Variants in UBE2G1 observed in about 807,000 individuals in gnomAD.
UBE2G1 encodes ubiquitin conjugating enzyme E2 G1, also known as ubiquitin-conjugating enzyme E2 G1.
Under a neutral mutation model 22.7 loss-of-function variants are expected in UBE2G1, and 5 were observed. The observed-to-expected ratio is 0.22, with a 90% confidence interval of 0.12 to 0.46. The LOEUF (loss-of-function observed/expected upper bound fraction) is 0.46. UBE2G1 is among the 20% of genes least tolerant of loss of function. UBE2G1 has a pLI of 0.99. For missense variants in UBE2G1, 88 were observed against 203.9 expected, an observed-to-expected ratio of 0.43 and a Z score of 3.46; for synonymous variants, 74 against 67.5, an observed-to-expected ratio of 1.10 and a Z score of -0.47.
chr17:4,328,072 G>A (rs902225854), intron 1 of UBE2G1, among the ~76,000 whole-genome samples: 1 of 152,166 alleles, frequency 6.6e-6, no homozygotes, highest in Admixed American at 6.5e-5. Flanking sequence ...TAAAGAAAGA[G>A]AGCAGAAATA....
intron 2 of UBE2G1, among the ~76,000 whole-genome samples, chr17:4,297,291 T>G (rs1009693728): frequency 2.0e-5 from 3 of 152,204 alleles, no homozygotes; most frequent in African/African-American, 7.2e-5. Context: ...ATCTATCCAT[T>G]TATTCATTTC....
In UBE2G1 at chr17:4,366,655, CGGCGCAGGCG is replaced by C. The variant is rs1970041414; in HGVS notation, c.-349_-340del. 4.4e-6 allele frequency: 1 copy of C among 227,992 alleles called. No homozygotes were observed. Among genetic ancestry groups the C allele is most frequent in the East Asian group, 8.5e-5 (1 of 11,718 alleles). 14.1% of individuals were successfully genotyped at this position (227,992 alleles called of 1,614,324 possible). A position where few individuals can be genotyped will look rare whatever the true frequency, so the allele number is the denominator to read the frequency against. Reference sequence around the variant, plus strand: ...CTGCCTCACTGCGCGCAGGGCCGCTCGGCGCAGGCGCGCTGAGACTGCCGACTTGGGAAGC... The same window carrying C: ...CTGCCTCACTGCGCGCAGGGCCGCTCCGCTGAGACTGCCGACTTGGGAAGC... On this transcript the variant is annotated 5_prime_UTR_variant, in exon 1 of 6. Transcript: ENST00000396981.
At chr17:4,282,733 C>T in intron 5 of UBE2G1, 65 bp downstream of exon 5, 1 of 1,078,802 alleles carries the variant, frequency 9.3e-7, no homozygotes, top group Non-Finnish European at 1.3e-6. Flanking sequence ...CCAAATCACA[C>T]AATTTCCAAA....
chr17:4,289,560 T>C, intron 3 of UBE2G1, 152 bp from the exon 4 acceptor site: 2 of 827,424 alleles, frequency 2.4e-6, no homozygotes, highest in Non-Finnish European at 3.5e-6. Context: ...GTGTTGACTT[T>C]TTAAGAAGAC....
At chr17:4,329,165 G>A (rs1018586537) in intron 1 of UBE2G1, among the ~76,000 whole-genome samples, 4 of 147,744 alleles carry the variant, frequency 2.7e-5, no homozygotes, top group Non-Finnish European at 5.9e-5. Flanking sequence ...TTGGAAGGCC[G>A]AGGCAGGCGG....
chr17:4,303,809 G>A (rs913929755), intron 2 of UBE2G1, among the ~76,000 whole-genome samples: 1 of 152,056 alleles, frequency 6.6e-6, no homozygotes, highest in Non-Finnish European at 1.5e-5. Flanking sequence ...TCTACCCAAG[G>A]CAATACTACA....
chr17:4,290,854 G>A (rs1969027787), intron 3 of UBE2G1, among the ~76,000 whole-genome samples: 1 of 149,162 alleles, frequency 6.7e-6, no homozygotes, highest in Admixed American at 6.8e-5. Context: ...GGGATTACAG[G>A]AAACAGCCCC....
At chr17:4,355,113 G>A (rs1386694330) in intron 1 of UBE2G1, among the ~76,000 whole-genome samples, 1 of 151,916 alleles carries the variant, frequency 6.6e-6, no homozygotes. Context: ...AAGATTTGAT[G>A]TGATTTGCCT....
chr17:4,302,379 T>A, intron 2 of UBE2G1: 1 of 489,446 alleles, frequency 2.0e-6, no homozygotes, highest in South Asian at 1.6e-5. Flanking sequence ...GGTTGCTGTG[T>A]CTTCTGGGAA....
chr17:4,335,451 A>G lies in UBE2G1; in HGVS notation c.47-28328T>C, dbSNP rs557334993. 3 of 152,284 alleles carry G rather than the reference A, an allele frequency of 2.0e-5. No individual in the cohort carries two copies. In the South Asian group the frequency reaches 6.2e-4, roughly 32 times the overall value. The allele number at this position is 152,284 out of a possible 1,614,324, so 9.4% of individuals were successfully genotyped here. On this transcript the variant is annotated intron_variant, in intron 1 of 5. Coordinates refer to ENST00000396981, the MANE Select transcript of UBE2G1 (RefSeq NM_003342.5). Reference sequence around the variant, plus strand: ...GGGAAACGTAACCCAAAAATTCTGTAACCAGCCAAAACATCACGTTGCTTG... The same window carrying G: ...GGGAAACGTAACCCAAAAATTCTGTGACCAGCCAAAACATCACGTTGCTTG...
At chr17:4,287,261 C>T (rs1375001082) in intron 4 of UBE2G1, among the ~76,000 whole-genome samples, 4 of 151,944 alleles carry the variant, frequency 2.6e-5, no homozygotes, top group Admixed American at 6.6e-5. Flanking sequence ...CCTGCCACCA[C>T]GCCTGGCTAA....
In UBE2G1 at chr17:4,294,415, CAA is replaced by C. The variant is rs68047533; in HGVS notation, c.247+2300_247+2301del. Among the ~76,000 whole-genome samples the C allele has an allele frequency of 4.5e-3, 525 of 116,946 alleles. 3 individuals are homozygous for C. The highest frequency in any genetic ancestry group is 0.022 in the African/African-American group (503 of 22,390). 76.7% of individuals were successfully genotyped at this position (116,946 alleles called of 152,430 possible). On this transcript the variant is annotated intron_variant, in intron 3 of 5. Transcript: ENST00000396981. The stretch of plus-strand genomic sequence containing the variant: ...TGGGCGAGACAGTGAGACTCCGTCT[CAA>C]AAAAAAAAAAAAAAAAAAAAAAAGA...
chr17:4,348,226 C>A (rs1476339739), intron 1 of UBE2G1, among the ~76,000 whole-genome samples: 1 of 152,010 alleles, frequency 6.6e-6, no homozygotes, highest in Non-Finnish European at 1.5e-5. Flanking sequence ...CCACTGCACT[C>A]CAGTCTAGGT....
At chr17:4,295,820 G>T (rs749682403) in intron 3 of UBE2G1, among the ~76,000 whole-genome samples, 5 of 149,952 alleles carry the variant, frequency 3.3e-5, no homozygotes, top group Non-Finnish European at 4.4e-5. Context: ...TTATATACAG[G>T]GGAGAGAGTC....
intron 1 of UBE2G1, among the ~76,000 whole-genome samples, chr17:4,346,431 CTTTT>C (rs67852481): frequency 0.035 from 4,265 of 120,468 alleles, 162 homozygotes; most frequent in African/African-American, 0.13. Context: ...TTTTCTTCTT[CTTTT>C]TTTTTTTTTT....
intron 1 of UBE2G1, among the ~76,000 whole-genome samples, chr17:4,357,673 T>A (rs1330447770): frequency 2.0e-5 from 3 of 152,056 alleles, no homozygotes; most frequent in Non-Finnish European, 1.5e-5. Context: ...CTATTCTCCA[T>A]CACTGTAATT....
intron 1 of UBE2G1, among the ~76,000 whole-genome samples, chr17:4,343,164 C>CA (rs765423609): frequency 4.6e-5 from 7 of 152,170 alleles, no homozygotes; most frequent in Non-Finnish European, 8.8e-5. Context: ...CAAAAGTAGG[C>CA]ACTCAAATAT....
At chr17:4,300,566 T>A (rs915816344) in intron 2 of UBE2G1, among the ~76,000 whole-genome samples, 2 of 151,920 alleles carry the variant, frequency 1.3e-5, no homozygotes, top group Admixed American at 1.3e-4. Flanking sequence ...AATAAATAAA[T>A]AAATAAAATA....
chr17:4,279,532 G>C (rs1968858400), intron 5 of UBE2G1, among the ~76,000 whole-genome samples: 1 of 152,016 alleles, frequency 6.6e-6, no homozygotes, highest in Non-Finnish European at 1.5e-5. Flanking sequence ...ATTTTTGGTG[G>C]TTAAAAAAGA....
Sources: allele counts gnomAD v4.1 joint callset (sites outside exome capture counted in the v4.1 genomes callset), GRCh38; gene constraint gnomAD v4.1.1; transcripts MANE v1.5; gene names NCBI Gene and HGNC (gene_info 2026-07-23, HGNC 2026-07-21).